GALNT9: variants seen among roughly 807,000 people sequenced by gnomAD.
The protein encoded by GALNT9 is polypeptide N-acetylgalactosaminyltransferase 9, also known as GalNAc transferase 9.
GALNT9 carries 47 observed loss-of-function variants against 63.1 expected under a neutral mutation model. The observed-to-expected ratio is 0.75, with a 90% CI of 0.59 to 0.95. The LOEUF (loss-of-function observed/expected upper bound fraction) is 0.95, where lower values mean the gene tolerates loss of function less well. Ranked by LOEUF, GALNT9 falls within the 40% of genes least tolerant of loss-of-function variation. GALNT9 has a pLI of 0.00. For synonymous variants in GALNT9, 396 were observed against 365.7 expected (o/e 1.08, Z -0.94); for missense variants, 829 against 874.8 (o/e 0.95, Z 0.66).
intron 6 of GALNT9, among the ~76,000 whole-genome samples, chr12:132,219,649 C>T (rs1238604427): frequency 6.6e-6 from 1 of 151,948 alleles, no homozygotes; most frequent in Admixed American, 6.5e-5. Flanking sequence ...GCAGCAGCAC[C>T]CGCGCTTGGG....
At chr12:132,206,397 C>T (rs1876697705) in intron 6 of GALNT9, among the ~76,000 whole-genome samples, 1 of 152,214 alleles carries the variant, frequency 6.6e-6, no homozygotes, top group Non-Finnish European at 1.5e-5. Flanking sequence ...CTTGTAATTC[C>T]AGCACTTTGG....
intron 8 of GALNT9, among the ~76,000 whole-genome samples, chr12:132,199,571 C>G (rs542822756): frequency 6.6e-6 from 1 of 152,270 alleles, no homozygotes; most frequent in African/African-American, 2.4e-5. Context: ...TGCCTTGCCG[C>G]CTGCTCCCTG....
chr12:132,201,352 G>GTCCCCCATAA (rs1876087872), intron 7 of GALNT9, 91 bp from the exon 8 acceptor site: 1 of 851,082 alleles, frequency 1.2e-6, no homozygotes, highest in Non-Finnish European at 1.9e-6. Context: ...CAGGGACCAA[G>GTCCCCCATAA]TGCCCTCACA....
In GALNT9 at chr12:132,201,258, G is replaced by T. The variant is rs1361653817; in HGVS notation, c.1267C>A (p.Pro423Thr). The change falls in exon 8 of 11, where the codon CCA becomes ACA. Residue 423 changes from proline (P) to threonine (T), a missense_variant. Transcript: ENST00000328957. ...YMAWNIPMSN[P>T]GVDFGDVSER... ...GACACGTCCCCGAAGTCCACCCCTG[G>T]GTTCTGCAAGGCCAGAAGTAGGTGA... The T allele has an allele frequency of 2.5e-6, 4 of 1,611,580 alleles. No individual in the cohort carries two copies. Among genetic ancestry groups the T allele is most frequent in the Non-Finnish European group, 3.4e-6 (4 of 1,177,986 alleles).
intron 6 of GALNT9, among the ~76,000 whole-genome samples, chr12:132,217,799 C>T (rs907683194): frequency 6.6e-6 from 1 of 150,920 alleles, no homozygotes; most frequent in Non-Finnish European, 1.5e-5. Flanking sequence ...GCCATCCATC[C>T]ATCCGTCCAT....
In GALNT9 at chr12:132,329,107, G is replaced by T. The variant is rs782111114; in HGVS notation, c.97C>A (p.Arg33Ser). 4.5e-6 allele frequency: 7 copies of T among 1,549,398 alleles called. No individual in the cohort carries two copies. In the South Asian group the frequency reaches 7.1e-5, roughly 16 times the overall value. The change falls in exon 1 of 11, where the codon CGC (arginine) becomes AGC (serine). Residue 33 changes from arginine to serine, a missense_variant. Transcript: ENST00000328957. Reference sequence around the variant, plus strand: ...ACGATGCGCACGAGCTCCTGGGAGCGGCCCTGCAGGCGGCAGTACACGGAG... The same window carrying T: ...ACGATGCGCACGAGCTCCTGGGAGCTGCCCTGCAGGCGGCAGTACACGGAG... ...LFSVYCRLQG[R>S]SQELVRIVSG...
At chr12:132,276,007 C>T (rs1306270037) in intron 2 of GALNT9, among the ~76,000 whole-genome samples, 6 of 152,244 alleles carry the variant, frequency 3.9e-5, no homozygotes, top group African/African-American at 7.2e-5. Flanking sequence ...GGCATCGAGC[C>T]GGCTCTGCCC....
At chr12:132,215,102 G>A (rs141889657) in intron 6 of GALNT9, among the ~76,000 whole-genome samples, 7 of 152,330 alleles carry the variant, frequency 4.6e-5, no homozygotes, top group South Asian at 4.1e-4. Context: ...GGGAGGAAAC[G>A]CGACACAATC....
chr12:132,270,212 G>A (rs1384325429), intron 2 of GALNT9, among the ~76,000 whole-genome samples: 4 of 152,346 alleles, frequency 2.6e-5, no homozygotes, highest in South Asian at 4.1e-4. Flanking sequence ...AATAACCACT[G>A]AGCTTGGCAA....
intron 3 of GALNT9, among the ~76,000 whole-genome samples, chr12:132,262,052 G>C (rs1001753298): frequency 1.3e-5 from 2 of 152,218 alleles, no homozygotes; most frequent in African/African-American, 2.4e-5. Context: ...TCTGTGGAAG[G>C]GGGTGGCTGA....
chr12:132,250,128 C>T (rs1555238407), intron 5 of GALNT9, among the ~76,000 whole-genome samples: 1 of 152,222 alleles, frequency 6.6e-6, no homozygotes, highest in African/African-American at 2.4e-5. Context: ...GCGAGGCTGA[C>T]ACAGCCTGCG....
rs200543020 is a variant in GALNT9 at position 132,197,825 on chromosome 12, C to T, written c.1632G>A (p.Ala544=). The T allele has an allele frequency of 1.9e-4, 297 of 1,599,722 alleles. No homozygotes were observed. Among genetic ancestry groups the T allele is most frequent in the Non-Finnish European group, 2.2e-4 (262 of 1,174,424 alleles). ...AGTCCCACAGCCGCTGTGTTGGCCGCGCCACATCCTCACACTTCTTCAGGG... is the reference window on the plus strand; with the variant it reads ...AGTCCCACAGCCGCTGTGTTGGCCGTGCCACATCCTCACACTTCTTCAGGG... ...MPTLKKCEDV[A]RPTQRLWDFT... Residue 544 remains alanine, a synonymous_variant, in exon 10 of 11, where the codon GCG becomes GCA. Coordinates refer to ENST00000328957, the MANE Select transcript of GALNT9 (RefSeq NM_001122636.2).
At chr12:132,203,450 G>A in intron 7 of GALNT9, 55 bp downstream of exon 7, 1 of 1,570,980 alleles carries the variant, frequency 6.4e-7, no homozygotes. Flanking sequence ...CCCTGCCGTG[G>A]CATTGACCCC....
At chr12:132,292,880 T>C (rs782232050) in intron 1 of GALNT9, among the ~76,000 whole-genome samples, 9 of 152,126 alleles carry the variant, frequency 5.9e-5, no homozygotes, top group Non-Finnish European at 1.2e-4. Flanking sequence ...GGACGCCGCC[T>C]CGCATGTGCA....
intron 2 of GALNT9, among the ~76,000 whole-genome samples, chr12:132,271,213 T>C (rs1879852044): frequency 6.6e-6 from 1 of 151,802 alleles, no homozygotes; most frequent in South Asian, 2.1e-4. Context: ...TGTGTGTGTC[T>C]CTGAGCCTTG....
chr12:132,329,078 G>C lies in GALNT9; in HGVS notation c.126C>G (p.Ser42Arg). Residue 42 changes from serine (S) to arginine (R), a missense_variant, in exon 1 of 11, where the codon AGC becomes AGG. Transcript: ENST00000328957. The part of the protein sequence containing the change: ...GRSQELVRIV[S>R]GDRRVRSRHA... ...GTCGGCTGCGCACCCGGCGGTCGCC[G>C]CTCACGATGCGCACGAGCTCCTGGG... is the stretch of plus-strand genomic sequence containing the variant. The C allele has an allele frequency of 6.5e-7, 1 of 1,547,812 alleles. No individual in the cohort carries two copies.
At chr12:132,308,847 T>G (rs199822020) in intron 1 of GALNT9, among the ~76,000 whole-genome samples, 4 of 150,858 alleles carry the variant, frequency 2.7e-5, no homozygotes. Flanking sequence ...GGGCTCGGGA[T>G]GGCCGCACTC....
rs149521295 is a variant in GALNT9, at chr12:132,200,668, A to G, written c.1401+456T>C. 1.4e-3 allele frequency: 231 copies of G among 159,888 alleles called. 1 individual carries two copies. Among genetic ancestry groups the G allele is most frequent in the African/African-American group, 5.2e-3 (216 of 41,496 alleles). The allele number at this position is 159,888 out of a possible 1,614,324, so 9.9% of individuals were successfully genotyped here. A position where few individuals can be genotyped will look rare whatever the true frequency, so the allele number is the denominator to read the frequency against. On this transcript the variant is annotated intron_variant, in intron 8 of 10. Transcript: ENST00000328957. ...TATACTCGTGTCCGCGTGCTCTTGTACATATGAGTGTTTGCATGGATTTAC... is the reference window on the plus strand; with the variant it reads ...TATACTCGTGTCCGCGTGCTCTTGTGCATATGAGTGTTTGCATGGATTTAC...
Position 132,286,099 on chromosome 12 carries a change from C to A in GALNT9, c.419+151G>T. ...CCAGCGTGGGGGGCGGTCACTTCCC[C>A]GGCGGGCGTGGGGGGCGGTCACTTC... On this transcript the variant is annotated intron_variant, in intron 2 of 10. Transcript: ENST00000328957. The surrounding 1 kb of genome is among the most constrained non-coding windows in gnomAD (Gnocchi z 7.4). 1 of 1,034,192 alleles carries A rather than the reference C, an allele frequency of 9.7e-7. No individual in the cohort carries two copies. The highest frequency in any genetic ancestry group is 1.3e-6 in the Non-Finnish European group (1 of 750,204). 64.1% of individuals were successfully genotyped at this position (1,034,192 alleles called of 1,614,324 possible).
Sources: gnomAD v4.1 joint callset for allele counts (sites outside exome capture counted in the v4.1 genomes callset) on GRCh38, gnomAD v4.1.1 for gene constraint, Gnocchi (gnomAD v3.1) non-coding constraint, MANE v1.5 for transcripts, NCBI Gene and HGNC (gene_info 2026-07-23, HGNC 2026-07-21) for gene names.